ZFHX4: variants seen among roughly 807,000 people sequenced by gnomAD.
ZFHX4 encodes zinc finger homeobox 4.
ZFHX4 carries 56 observed loss-of-function variants against 267.6 expected under a neutral mutation model. The observed-to-expected ratio is 0.21, with a 90% CI of 0.17 to 0.26. The LOEUF is 0.26. ZFHX4 is among the 10% of genes least tolerant of loss of function. The pLI is 1.00. For synonymous variants in ZFHX4, 1,778 were observed against 1,665.6 expected (o/e 1.07, Z -1.64); for missense variants, 4,332 against 4,420.0 (o/e 0.98, Z 0.56).
intron 6 of ZFHX4, among the ~76,000 whole-genome samples, chr8:76,845,702 A>G (rs1243412289): frequency 6.6e-6 from 1 of 152,020 alleles, no homozygotes; most frequent in Admixed American, 6.6e-5. Context: ...AACCGTTTAC[A>G]GCCTTCTGTA....
chr8:76,686,270 T>C (rs1004625448), intron 1 of ZFHX4, among the ~76,000 whole-genome samples: 1 of 152,216 alleles, frequency 6.6e-6, no homozygotes, highest in African/African-American at 2.4e-5. Context: ...GGCTCTTTAA[T>C]CTCTGCAAGC....
chr8:76,738,498 G>C (rs1186233892), intron 3 of ZFHX4, among the ~76,000 whole-genome samples: 1 of 152,090 alleles, frequency 6.6e-6, no homozygotes, highest in African/African-American at 2.4e-5. Flanking sequence ...CTGAACCAAA[G>C]CCACCGATTT....
Position 76,681,377 on chromosome 8 carries a change from A to G in ZFHX4, c.-290A>G. 1 of 398,400 alleles carries G rather than the reference A, an allele frequency of 2.5e-6. No homozygotes were observed. The highest frequency in any genetic ancestry group is 3.6e-5 in the East Asian group (1 of 27,984). 24.7% of individuals were successfully genotyped at this position (398,400 alleles called of 1,614,324 possible). A position where few individuals can be genotyped will look rare whatever the true frequency, so the allele number is the denominator to read the frequency against. ...CCTTTTCCCAACCCCTTCACAACCA[A>G]ACAGCGAGACCGCGGTCGGCACATG... On this transcript the variant is annotated 5_prime_UTR_variant, in exon 1 of 11. Transcript: ENST00000651372.
At chr8:76,766,822 A>G (rs1810062619) in intron 3 of ZFHX4, among the ~76,000 whole-genome samples, 1 of 151,050 alleles carries the variant, frequency 6.6e-6, no homozygotes. Flanking sequence ...ATTACTTTTC[A>G]ATTACTATTT....
intron 3 of ZFHX4, among the ~76,000 whole-genome samples, chr8:76,775,601 C>T (rs1404546047): frequency 6.6e-6 from 1 of 152,200 alleles, no homozygotes; most frequent in Non-Finnish European, 1.5e-5. Flanking sequence ...AGTGCCATGG[C>T]TCTAATCCCT....
At chr8:76,835,245 A>ATATATATATATATG (rs1771530128) in intron 5 of ZFHX4, among the ~76,000 whole-genome samples, 6 of 129,154 alleles carry the variant, frequency 4.6e-5, no homozygotes, top group South Asian at 4.8e-4. Context: ...ATATATGTAT[A>ATATATATATATATG]TATATATATA....
intron 10 of ZFHX4, among the ~76,000 whole-genome samples, chr8:76,862,155 C>T (rs1350797513): frequency 6.6e-6 from 1 of 152,144 alleles, no homozygotes; most frequent in Non-Finnish European, 1.5e-5. Flanking sequence ...ATAAAAATGG[C>T]TGTGTAATAG....
chr8:76,851,777 C>T lies in ZFHX4; in HGVS notation c.4856C>T (p.Thr1619Ile), dbSNP rs765108452. 6.2e-7 allele frequency: 1 copy of T among 1,613,860 alleles called. No homozygotes were observed. Among genetic ancestry groups the T allele is most frequent in the African/African-American group, 1.3e-5 (1 of 74,922 alleles). ...EIHMRSVLHQ[T>I]KARAAKLEPS... is the part of the protein sequence containing the mutation. ...CACATGAGGTCTGTGCTCCACCAGA[C>T]AAAGGCTAGGGCTGCAAAGCTGGAG... Residue 1619 changes from threonine (T) to isoleucine (I), a missense_variant, in exon 10 of 11, where the codon ACA becomes ATA. Around this residue, in one of 7 missense-constraint regions of ZFHX4, gnomAD observed 1,371 missense variants for 1,423.1 expected, o/e 0.96. Transcript: ENST00000651372.
intron 6 of ZFHX4, 77 bp from the exon 7 acceptor site, chr8:76,848,918 A>G: frequency 7.3e-7 from 1 of 1,375,310 alleles, no homozygotes; most frequent in South Asian, 1.7e-5. Flanking sequence ...AGAGTCGCAA[A>G]TGTTTGAAAA....
chr8:76,803,656 T>C (rs181223867), intron 4 of ZFHX4, among the ~76,000 whole-genome samples: 1 of 152,140 alleles, frequency 6.6e-6, no homozygotes, highest in African/African-American at 2.4e-5. Flanking sequence ...TTTTTGTTCT[T>C]TTTAGTTTGA....
At chr8:76,729,452 A>G (rs1808939961) in intron 3 of ZFHX4, among the ~76,000 whole-genome samples, 1 of 152,192 alleles carries the variant, frequency 6.6e-6, no homozygotes, top group Non-Finnish European at 1.5e-5. Context: ...TTAATTAACA[A>G]GCCTCCTTTT....
chr8:76,709,466 CAATT>C (rs745373115), intron 3 of ZFHX4, among the ~76,000 whole-genome samples: 4 of 152,000 alleles, frequency 2.6e-5, no homozygotes, highest in Non-Finnish European at 4.4e-5. Flanking sequence ...GACAACTGTT[CAATT>C]GTCTACTTTT....
chr8:76,704,799 G>A lies in ZFHX4; in HGVS notation c.711G>A (p.Glu237=), dbSNP rs777703837. 2.8e-5 allele frequency: 45 copies of A among 1,614,124 alleles called. No homozygotes were observed. Among genetic ancestry groups the A allele is most frequent in the Non-Finnish European group, 3.3e-5 (39 of 1,179,982 alleles). The change falls in exon 2 of 11, where the codon GAG becomes GAA. Residue 237 remains glutamate, a synonymous_variant. Coordinates refer to ENST00000651372, the MANE Select transcript of ZFHX4 (RefSeq NM_024721.5). ...FRVYDLRHKR[E]KDYLTSDGSA... ...TCTATGATCTCCGACACAAGAGAGA[G>A]AAAGACTATCTAACCAGTGATGGCT...
At chr8:76,703,802 A>G (rs1219737481) in intron 1 of ZFHX4, among the ~76,000 whole-genome samples, 3 of 152,188 alleles carry the variant, frequency 2.0e-5, no homozygotes, top group Non-Finnish European at 2.9e-5. Context: ...ACTTCTTATG[A>G]ATGCTCATAG....
intron 5 of ZFHX4, among the ~76,000 whole-genome samples, chr8:76,835,023 A>G (rs1311259686): frequency 2.7e-5 from 4 of 150,756 alleles, no homozygotes; most frequent in Non-Finnish European, 5.9e-5. Flanking sequence ...AATTTTTCAC[A>G]TCGATATTTA....
At chr8:76,730,007 T>C (rs1193147772) in intron 3 of ZFHX4, among the ~76,000 whole-genome samples, 3 of 152,192 alleles carry the variant, frequency 2.0e-5, no homozygotes, top group African/African-American at 7.2e-5. Flanking sequence ...AGAAAAAAAT[T>C]TTCAAAGCAA....
At chr8:76,736,514 A>C (rs1809164454) in intron 3 of ZFHX4, among the ~76,000 whole-genome samples, 2 of 152,146 alleles carry the variant, frequency 1.3e-5, no homozygotes, top group South Asian at 4.1e-4. Context: ...TTAGACAAAC[A>C]TAAGAGCTAT....
At chr8:76,803,080 T>C (rs1811154387) in intron 4 of ZFHX4, among the ~76,000 whole-genome samples, 1 of 152,154 alleles carries the variant, frequency 6.6e-6, no homozygotes, top group South Asian at 2.1e-4. Flanking sequence ...CACTAATTCC[T>C]GTCAGCACAC....
chr8:76,698,678 T>G (rs1196755194), intron 1 of ZFHX4, among the ~76,000 whole-genome samples: 6 of 152,048 alleles, frequency 3.9e-5, no homozygotes, highest in Non-Finnish European at 8.8e-5. Context: ...CAGATTTTAA[T>G]GAGAAAAATG....
Sources: allele counts gnomAD v4.1 joint callset (sites outside exome capture counted in the v4.1 genomes callset), GRCh38; gene constraint gnomAD v4.1.1; regional missense constraint gnomAD v4.1.1; transcripts MANE v1.5; gene names NCBI Gene and HGNC (gene_info 2026-07-23, HGNC 2026-07-21).